AGBL4: variants seen among roughly 807,000 people sequenced by gnomAD.
AGBL4 encodes cytosolic carboxypeptidase 6.
In AGBL4, 58 loss-of-function variants were observed where a neutral mutation model predicts 66.4. That is an observed-to-expected ratio of 0.87 (90% confidence interval 0.71 to 1.09). The LOEUF (loss-of-function observed/expected upper bound fraction) is 1.09, where lower values mean the gene tolerates loss of function less well. Among genes scored for constraint, AGBL4 ranks in the 50% least tolerant of loss-of-function variants. AGBL4 has a pLI of 0.00. For synonymous variants in AGBL4, 234 were observed against 222.9 expected (o/e 1.05, Z -0.44); for missense variants, 579 against 631.0 (o/e 0.92, Z 0.88).
At chr1:49,684,428 A>C (rs1252876194) in intron 3 of AGBL4, among the ~76,000 whole-genome samples, 1 of 152,122 alleles carries the variant, frequency 6.6e-6, no homozygotes, top group Non-Finnish European at 1.5e-5. Flanking sequence ...ATAAGTTTCC[A>C]GTCTAAATTT....
intron 3 of AGBL4, among the ~76,000 whole-genome samples, chr1:49,552,791 C>T (rs1455360866): frequency 1.3e-5 from 2 of 152,154 alleles, no homozygotes; most frequent in Admixed American, 6.5e-5. Context: ...TCTGTCTGTC[C>T]GAGTCAGAGC....
intron 6 of AGBL4, among the ~76,000 whole-genome samples, chr1:48,807,433 G>T (rs1261319471): frequency 6.6e-6 from 1 of 152,230 alleles, no homozygotes; most frequent in African/African-American, 2.4e-5. Flanking sequence ...GGCTCAGGGA[G>T]ATTGTGGCTC....
intron 2 of AGBL4, among the ~76,000 whole-genome samples, chr1:49,802,757 AC>A (rs1181920111): frequency 1.3e-5 from 2 of 152,094 alleles, no homozygotes; most frequent in East Asian, 3.9e-4. Flanking sequence ...CCCAGCTTTC[AC>A]TATCTTGTGT....
intron 3 of AGBL4, among the ~76,000 whole-genome samples, chr1:49,324,378 G>A (rs777047604): frequency 6.6e-6 from 1 of 152,076 alleles, no homozygotes; most frequent in Non-Finnish European, 1.5e-5. Context: ...ACAGAGCTTG[G>A]CACTCTCTCC....
chr1:49,944,165 C>G (rs1004873999), intron 1 of AGBL4, among the ~76,000 whole-genome samples: 8 of 151,940 alleles, frequency 5.3e-5, no homozygotes, highest in Non-Finnish European at 1.2e-4. Context: ...ATATAGGGCC[C>G]CACCCACCAC....
intron 4 of AGBL4, among the ~76,000 whole-genome samples, chr1:49,084,285 C>T (rs889529260): frequency 6.6e-6 from 1 of 152,208 alleles, no homozygotes; most frequent in African/African-American, 2.4e-5. Context: ...TAGAGCAGCA[C>T]CCCACTCTAC....
chr1:49,592,861 C>T (rs1437371548), intron 3 of AGBL4, among the ~76,000 whole-genome samples: 1 of 152,112 alleles, frequency 6.6e-6, no homozygotes, highest in Non-Finnish European at 1.5e-5. Flanking sequence ...CAGAACTACC[C>T]TTTGACCCCG....
At position 49,845,207 on chromosome 1, in the gene AGBL4, C is replaced by A; in HGVS notation, c.157+6189G>T. 1.4e-6 allele frequency: 2 copies of A among 1,478,310 alleles called. 1 individual carries two copies. Among genetic ancestry groups the A allele is most frequent in the Non-Finnish European group, 1.9e-6 (2 of 1,060,808 alleles). 91.6% of individuals were successfully genotyped at this position (1,478,310 alleles called of 1,614,324 possible). ...GTCTTCCGAAACAGCTCGGCACTTA[C>A]CAAACACCAGAGAATCCACACTGGG... On this transcript the variant is annotated intron_variant, in intron 2 of 13. Transcript: ENST00000371839.
intron 2 of AGBL4, among the ~76,000 whole-genome samples, chr1:49,740,765 T>C (rs572195709): frequency 8.5e-5 from 13 of 152,260 alleles, no homozygotes; most frequent in African/African-American, 2.9e-4. Flanking sequence ...ACCACTCAAC[T>C]ACATGGAAAC....
chr1:49,577,722 T>A (rs1363448922), intron 3 of AGBL4, among the ~76,000 whole-genome samples: 1 of 152,202 alleles, frequency 6.6e-6, no homozygotes, highest in Non-Finnish European at 1.5e-5. Flanking sequence ...AGGCTCAGGC[T>A]CATGGAATTC....
chr1:48,862,958 T>G (rs1215510191), intron 6 of AGBL4, among the ~76,000 whole-genome samples: 1 of 152,164 alleles, frequency 6.6e-6, no homozygotes, highest in East Asian at 1.9e-4. Context: ...AAATAGCTAT[T>G]AAAGAATGCA....
intron 1 of AGBL4, among the ~76,000 whole-genome samples, chr1:49,961,811 A>G (rs531037088): frequency 1.3e-5 from 2 of 152,272 alleles, no homozygotes; most frequent in South Asian, 4.1e-4. Context: ...TCACATGGAA[A>G]GAACAACTTT....
chr1:49,082,866 C>T lies in AGBL4; in HGVS notation c.378-37066G>A, dbSNP rs147340665. Among the ~76,000 whole-genome samples the T allele has an allele frequency of 4.9e-3, 742 of 152,324 alleles. 2 individuals carry two copies. The highest frequency in any genetic ancestry group is 7.0e-3 in the Non-Finnish European group (473 of 68,024). Reference sequence around the variant, plus strand: ...AAAATCAAAAGCAAGTTAGTTACTTCCTAGATACAATGGAGGTACAGGCAT... The same window carrying T: ...AAAATCAAAAGCAAGTTAGTTACTTTCTAGATACAATGGAGGTACAGGCAT... On this transcript the variant is annotated intron_variant, in intron 4 of 13. Transcript: ENST00000371839.
intron 3 of AGBL4, among the ~76,000 whole-genome samples, chr1:49,562,822 G>A (rs1644086034): frequency 1.3e-5 from 2 of 152,094 alleles, no homozygotes; most frequent in Non-Finnish European, 2.9e-5. Context: ...GGACTTTAAA[G>A]TAGTTATTTC....
chr1:48,801,078 A>G lies in AGBL4; in HGVS notation c.634+66113T>C, dbSNP rs370794621. Among the ~76,000 whole-genome samples the G allele has an allele frequency of 2.7e-3, 407 of 152,216 alleles. 2 individuals are homozygous for G. Among genetic ancestry groups the G allele is most frequent in the African/African-American group, 9.2e-3 (381 of 41,544 alleles). ...TATGGCTGCCTCTGCTGCATCATACAGGTTTCCAGGGAAGTAGGGGGAAAG... is the reference window on the plus strand; with the variant it reads ...TATGGCTGCCTCTGCTGCATCATACGGGTTTCCAGGGAAGTAGGGGGAAAG... On this transcript the variant is annotated intron_variant, in intron 6 of 13. Coordinates refer to ENST00000371839, the MANE Select transcript of AGBL4 (RefSeq NM_032785.4).
At chr1:48,845,440 G>T (rs187499716) in intron 6 of AGBL4, among the ~76,000 whole-genome samples, 1 of 152,208 alleles carries the variant, frequency 6.6e-6, no homozygotes, top group East Asian at 1.9e-4. Flanking sequence ...AGGAGCAATA[G>T]ATTTGTTCTG....
At chr1:49,034,735 C>A (rs1006083957) in intron 5 of AGBL4, among the ~76,000 whole-genome samples, 3 of 152,070 alleles carry the variant, frequency 2.0e-5, no homozygotes, top group Non-Finnish European at 4.4e-5. Flanking sequence ...CTTCTCCTTG[C>A]TGACACCATG....
intron 3 of AGBL4, among the ~76,000 whole-genome samples, chr1:49,552,031 G>A (rs1274384998): frequency 6.6e-6 from 1 of 152,114 alleles, no homozygotes; most frequent in Non-Finnish European, 1.5e-5. Flanking sequence ...ACTTCATGGT[G>A]TAGGAGGATT....
chr1:48,762,866 C>CTCAGCT (rs1644347537), intron 6 of AGBL4, among the ~76,000 whole-genome samples: 1 of 152,012 alleles, frequency 6.6e-6, no homozygotes, highest in Non-Finnish European at 1.5e-5. Flanking sequence ...TAAGTGTGAA[C>CTCAGCT]CTCAGCTTTT....
Sources: allele counts gnomAD v4.1 joint callset (sites outside exome capture counted in the v4.1 genomes callset), GRCh38; gene constraint gnomAD v4.1.1; transcripts MANE v1.5; gene names NCBI Gene and HGNC (gene_info 2026-07-23, HGNC 2026-07-21).